Variants in WDPCP observed in about 807,000 individuals in gnomAD.
The protein encoded by WDPCP is WD repeat-containing and planar cell polarity effector protein fritz homolog.
In WDPCP, 71 loss-of-function variants were observed where a neutral mutation model predicts 93.1. The observed-to-expected ratio is 0.76, with a 90% CI of 0.63 to 0.93. The LOEUF (loss-of-function observed/expected upper bound fraction) is 0.93. WDPCP is among the 40% of genes least tolerant of loss of function. The pLI is 0.00. For synonymous variants in WDPCP, 315 were observed against 315.0 expected, an observed-to-expected ratio of 1.00 and a Z score of 0.00; for missense variants, 844 against 887.4, an observed-to-expected ratio of 0.95 and a Z score of 0.62.
chr2:63,221,876 C>T (rs1176249949), intron 14 of WDPCP, among the ~76,000 whole-genome samples: 3 of 152,124 alleles, frequency 2.0e-5, no homozygotes, highest in African/African-American at 7.2e-5. Context: ...GAAAGTTCAT[C>T]AGGTAGGGCA....
chr2:63,234,495 T>G (rs1023360607), intron 14 of WDPCP, among the ~76,000 whole-genome samples: 5 of 152,158 alleles, frequency 3.3e-5, no homozygotes, highest in African/African-American at 1.2e-4. Flanking sequence ...AGCTGGAATG[T>G]CTACAAAATG....
At chr2:63,277,808 G>C (rs1054677914) in intron 13 of WDPCP, among the ~76,000 whole-genome samples, 25 of 152,096 alleles carry the variant, frequency 1.6e-4, no homozygotes, top group Non-Finnish European at 3.2e-4. Flanking sequence ...ATAATAGTGG[G>C]GGCCTTTAAT....
intron 1 of WDPCP, among the ~76,000 whole-genome samples, chr2:63,511,883 T>A (rs529244182): frequency 1.6e-4 from 25 of 152,004 alleles, no homozygotes; most frequent in African/African-American, 5.8e-4. Flanking sequence ...GCAACAAAAG[T>A]CAAAATTGAC....
intron 2 of WDPCP, among the ~76,000 whole-genome samples, chr2:63,759,569 AC>A (rs1670022314): frequency 6.6e-6 from 1 of 152,104 alleles, no homozygotes; most frequent in African/African-American, 2.4e-5. Flanking sequence ...CTCTCTCTCA[AC>A]CTGTCATGGT....
At chr2:63,783,882 TG>T (rs1218707558) in intron 2 of WDPCP, among the ~76,000 whole-genome samples, 21 of 152,278 alleles carry the variant, frequency 1.4e-4, no homozygotes, top group African/African-American at 5.1e-4. Context: ...AATATATCTA[TG>T]AAACAAAATT....
At chr2:63,658,779 G>C (rs1017276325) in intron 2 of WDPCP, among the ~76,000 whole-genome samples, 2 of 152,146 alleles carry the variant, frequency 1.3e-5, no homozygotes, top group Non-Finnish European at 2.9e-5. Context: ...GAGAAATGCT[G>C]ACATGTTCCA....
At chr2:63,348,957 AT>A (rs976811887) in intron 12 of WDPCP, among the ~76,000 whole-genome samples, 3 of 152,208 alleles carry the variant, frequency 2.0e-5, no homozygotes, top group Non-Finnish European at 4.4e-5. Context: ...ACCTGAAAAC[AT>A]GTTGAGATAG....
chr2:63,578,735 T>G (rs1340397990), intron 1 of WDPCP, among the ~76,000 whole-genome samples: 2 of 152,182 alleles, frequency 1.3e-5, no homozygotes, highest in Non-Finnish European at 2.9e-5. Context: ...AAAAATTAAG[T>G]TAGGTTATTG....
intron 8 of WDPCP, 111 bp downstream of exon 8, chr2:63,437,310 T>C: frequency 1.0e-6 from 1 of 961,940 alleles, no homozygotes; most frequent in South Asian, 2.1e-5. Context: ...ATATTTCCAG[T>C]TTTTCTGAAA....
intron 2 of WDPCP, among the ~76,000 whole-genome samples, chr2:63,722,275 G>T (rs940160615): frequency 2.7e-5 from 4 of 150,776 alleles, no homozygotes; most frequent in African/African-American, 9.8e-5. Context: ...ATCCCACCTA[G>T]GAAGTGAGGA....
chr2:63,622,797 C>T (rs1575732273), intron 3 of WDPCP: 48 of 1,612,338 alleles, frequency 3.0e-5, no homozygotes, highest in Non-Finnish European at 3.7e-5. Flanking sequence ...CCAGGAACTC[C>T]GGAGCACGCT....
At chr2:63,155,324 G>C (rs926796368) in intron 15 of WDPCP, among the ~76,000 whole-genome samples, 1 of 152,126 alleles carries the variant, frequency 6.6e-6, no homozygotes, top group Admixed American at 6.5e-5. Flanking sequence ...GGTTTAGTTT[G>C]AGATTCTTTG....
intron 3 of WDPCP, among the ~76,000 whole-genome samples, chr2:63,627,613 G>A (rs1402523712): frequency 1.3e-5 from 2 of 152,210 alleles, no homozygotes; most frequent in African/African-American, 2.4e-5. Flanking sequence ...AAGAGAAGGA[G>A]TAGTTGAACA....
intron 14 of WDPCP, among the ~76,000 whole-genome samples, chr2:63,179,370 T>G (rs1010096662): frequency 6.6e-6 from 1 of 151,768 alleles, no homozygotes; most frequent in Non-Finnish European, 1.5e-5. Flanking sequence ...GGAAGGTGAC[T>G]GGATTATGGG....
At position 63,700,299 on chromosome 2, in the gene WDPCP, A is replaced by G. The variant is rs989208803; in HGVS notation, n.309-49461T>C. Among the ~76,000 whole-genome samples, 2 of 102,698 alleles carry G rather than the reference A, an allele frequency of 1.9e-5. 1 individual carries two copies. The highest frequency in any genetic ancestry group is 6.6e-5 in the African/African-American group (2 of 30,500). 67.4% of individuals were successfully genotyped at this position (102,698 alleles called of 152,430 possible). A position where few individuals can be genotyped will look rare whatever the true frequency, so the allele number is the denominator to read the frequency against. Reference sequence around the variant, plus strand: ...CCCTGTCTCAAAAAAAAAAAAAAAAAAAAACAAAAAGAAAAAAAGAAAAAA... The same window carrying G: ...CCCTGTCTCAAAAAAAAAAAAAAAAGAAAACAAAAAGAAAAAAAGAAAAAA... On this transcript the variant is annotated intron_variant and non_coding_transcript_variant, in intron 2 of 4. Transcript: ENST00000467687.
chr2:63,139,202 A>G (rs1018377421), intron 17 of WDPCP, among the ~76,000 whole-genome samples: 12 of 144,074 alleles, frequency 8.3e-5, no homozygotes, highest in African/African-American at 3.2e-4. Flanking sequence ...CACACACACC[A>G]GTTTCTTTAT....
intron 1 of WDPCP, among the ~76,000 whole-genome samples, chr2:63,511,829 T>C (rs758654752): frequency 6.6e-6 from 1 of 152,228 alleles, no homozygotes; most frequent in South Asian, 2.1e-4. Context: ...ATTCAGGACA[T>C]AGGCATGGGC....
intron 2 of WDPCP, among the ~76,000 whole-genome samples, chr2:63,708,707 C>T (rs1485040843): frequency 6.6e-6 from 1 of 152,186 alleles, no homozygotes; most frequent in East Asian, 2.0e-4. Flanking sequence ...ATCAGCTGTC[C>T]CAGCTCACGC....
intron 2 of WDPCP, among the ~76,000 whole-genome samples, chr2:63,783,058 C>T (rs1458452496): frequency 2.0e-5 from 3 of 151,948 alleles, no homozygotes; most frequent in Non-Finnish European, 4.4e-5. Flanking sequence ...GATAGAACTG[C>T]CATGTGATCC....
Sources: gnomAD v4.1 joint callset for allele counts (sites outside exome capture counted in the v4.1 genomes callset) on GRCh38, gnomAD v4.1.1 for gene constraint, MANE v1.5 for transcripts, NCBI Gene and HGNC (gene_info 2026-07-23, HGNC 2026-07-21) for gene names.